CDIN1: variants seen among roughly 807,000 people sequenced by gnomAD.
The protein encoded by CDIN1 is CDAN1 interacting nuclease 1.
CDIN1 carries 33 observed loss-of-function variants against 45.3 expected under a neutral mutation model. That is an observed-to-expected ratio of 0.73 (90% confidence interval 0.55 to 0.97). CDIN1 has a LOEUF of 0.97. CDIN1 is among the 50% of genes least tolerant of loss of function. The probability of loss-of-function intolerance (pLI) is 0.00; values close to 1 mark genes in which losing one functional copy is unlikely to be tolerated. For synonymous variants in CDIN1, 118 were observed against 124.4 expected, an observed-to-expected ratio of 0.95 and a Z score of 0.34; for missense variants, 303 against 339.4, an observed-to-expected ratio of 0.89 and a Z score of 0.84.
chr15:36,686,727 C>G (rs1404287358), intron 5 of CDIN1, among the ~76,000 whole-genome samples: 1 of 145,894 alleles, frequency 6.9e-6, no homozygotes, highest in Non-Finnish European at 1.5e-5. Flanking sequence ...AAAAAAAATA[C>G]AAGAAAGAAA....
At chr15:36,611,316 G>C (rs2038639464) in intron 1 of CDIN1, among the ~76,000 whole-genome samples, 1 of 152,202 alleles carries the variant, frequency 6.6e-6, no homozygotes, top group East Asian at 1.9e-4. Flanking sequence ...TGGGGAGGCT[G>C]AGTCCTGTGC....
intron 10 of CDIN1, among the ~76,000 whole-genome samples, chr15:36,802,782 A>G (rs1227980899): frequency 6.6e-6 from 1 of 152,118 alleles, no homozygotes; most frequent in Non-Finnish European, 1.5e-5. Context: ...ACAGAAAGAT[A>G]CTTATATCAT....
intron 1 of CDIN1, among the ~76,000 whole-genome samples, chr15:36,635,370 A>G (rs1566852777): frequency 1.3e-5 from 2 of 152,214 alleles, no homozygotes; most frequent in Non-Finnish European, 2.9e-5. Flanking sequence ...GTGTGAGTCC[A>G]TTTATATGTG....
rs191903605 is a variant in CDIN1, at chr15:36,621,394, C to T, written c.102-22884C>T. On this transcript the variant is annotated intron_variant, in intron 1 of 10. Coordinates refer to ENST00000566621, the MANE Select transcript of CDIN1 (RefSeq NM_001321759.2). ...CACGTATCTGTACAAGCCAGAATTA[C>T]TATTTCTTTGACTTATTGTTAGCAT... is the stretch of plus-strand genomic sequence containing the variant. Among the ~76,000 whole-genome samples the T allele has an allele frequency of 1.2e-4, 18 of 152,300 alleles. No homozygotes were observed. In the East Asian group the frequency reaches 3.5e-3, roughly 29 times the overall value.
At chr15:36,683,427 A>G (rs1595466079) in intron 5 of CDIN1, among the ~76,000 whole-genome samples, 1 of 79,934 alleles carries the variant, frequency 1.3e-5, no homozygotes, top group Non-Finnish European at 2.5e-5. Context: ...GTTCTGTTCC[A>G]TTGATCTATA....
chr15:36,712,019 T>C (rs1174923362), intron 10 of CDIN1, among the ~76,000 whole-genome samples: 1 of 152,174 alleles, frequency 6.6e-6, no homozygotes, highest in East Asian at 1.9e-4. Context: ...TAGCAATTGC[T>C]AAAGTTCTTC....
At chr15:36,596,682 C>T (rs2037847268) in intron 1 of CDIN1, among the ~76,000 whole-genome samples, 1 of 151,344 alleles carries the variant, frequency 6.6e-6, no homozygotes, top group South Asian at 2.1e-4. Context: ...TAGATTCATT[C>T]TTTTAAATGA....
intron 10 of CDIN1, among the ~76,000 whole-genome samples, chr15:36,807,001 A>G (rs539180415): frequency 6.6e-6 from 1 of 152,292 alleles, no homozygotes; most frequent in East Asian, 1.9e-4. Context: ...GCTTCTAATT[A>G]TACCCAGTTC....
chr15:36,619,614 T>G (rs553271905), intron 1 of CDIN1, among the ~76,000 whole-genome samples: 1 of 152,154 alleles, frequency 6.6e-6, no homozygotes, highest in Admixed American at 6.5e-5. Flanking sequence ...ATTTTGAGGG[T>G]TCAGTTTCAG....
intron 10 of CDIN1, among the ~76,000 whole-genome samples, chr15:36,744,202 A>G (rs1387118286): frequency 6.6e-6 from 1 of 152,196 alleles, no homozygotes; most frequent in Non-Finnish European, 1.5e-5. Context: ...TGGAGACAGC[A>G]ACAGACTACT....
intron 10 of CDIN1, among the ~76,000 whole-genome samples, chr15:36,732,785 A>G (rs1207057852): frequency 6.6e-6 from 1 of 152,080 alleles, no homozygotes; most frequent in Non-Finnish European, 1.5e-5. Context: ...ATAAAATTAT[A>G]ACATCCTATA....
chr15:36,695,331 A>G (rs1595482723), intron 7 of CDIN1, among the ~76,000 whole-genome samples: 1 of 152,316 alleles, frequency 6.6e-6, no homozygotes, highest in East Asian at 1.9e-4. Context: ...GAAAAGGACA[A>G]TGAAGGTAAT....
At chr15:36,581,074 T>A (rs1380334638) in intron 1 of CDIN1, among the ~76,000 whole-genome samples, 2 of 152,222 alleles carry the variant, frequency 1.3e-5, no homozygotes, top group East Asian at 3.8e-4. Context: ...GCAATATTTA[T>A]CCCTTTATAG....
chr15:36,764,749 C>A (rs1438327635), intron 10 of CDIN1, among the ~76,000 whole-genome samples: 1 of 152,184 alleles, frequency 6.6e-6, no homozygotes, highest in African/African-American at 2.4e-5. Context: ...AACTCCAGCT[C>A]CCCTTGCAGT....
At chr15:36,603,661 A>G (rs2038218385) in intron 1 of CDIN1, among the ~76,000 whole-genome samples, 2 of 152,084 alleles carry the variant, frequency 1.3e-5, no homozygotes, top group Non-Finnish European at 2.9e-5. Flanking sequence ...CTCTCCTATT[A>G]TATCATTGAA....
chr15:36,735,871 A>T (rs2043999549), intron 10 of CDIN1, among the ~76,000 whole-genome samples: 1 of 152,208 alleles, frequency 6.6e-6, no homozygotes, highest in Non-Finnish European at 1.5e-5. Flanking sequence ...AACATTTGCT[A>T]ATCATGCAGT....
chr15:36,606,386 A>G (rs955989620), intron 1 of CDIN1, among the ~76,000 whole-genome samples: 1 of 152,130 alleles, frequency 6.6e-6, no homozygotes, highest in Non-Finnish European at 1.5e-5. Context: ...GAATGAGAAT[A>G]AGGGAATGAA....
intron 1 of CDIN1, among the ~76,000 whole-genome samples, chr15:36,610,498 G>A (rs1234197268): frequency 1.3e-5 from 2 of 152,134 alleles, no homozygotes; most frequent in African/African-American, 4.8e-5. Flanking sequence ...TGGGAAAAAA[G>A]AATAGCTTTC....
At chr15:36,582,624 C>G (rs567209714) in intron 1 of CDIN1, among the ~76,000 whole-genome samples, 1 of 152,142 alleles carries the variant, frequency 6.6e-6, no homozygotes, top group Non-Finnish European at 1.5e-5. Context: ...TAAAAATAGT[C>G]GTGTTGACCC....
Sources: allele counts gnomAD v4.1 joint callset (sites outside exome capture counted in the v4.1 genomes callset), GRCh38; gene constraint gnomAD v4.1.1; transcripts MANE v1.5; gene names NCBI Gene and HGNC (gene_info 2026-07-23, HGNC 2026-07-21).